The following CFAP69 variants were observed in gnomAD, a reference collection of about 807,000 sequenced individuals.
The protein encoded by CFAP69 is cilia and flagella associated protein 69.
A neutral mutation model predicts 123.0 loss-of-function variants in CFAP69; 92 were observed. The ratio of observed to expected loss-of-function variants is 0.75; its 90% CI spans 0.63 to 0.89. The LOEUF (loss-of-function observed/expected upper bound fraction) is 0.89, where lower values mean the gene tolerates loss of function less well. CFAP69 is among the 40% of genes least tolerant of loss of function. CFAP69 has a pLI of 0.00. For synonymous variants in CFAP69, 380 were observed against 364.3 expected, an observed-to-expected ratio of 1.04 and a Z score of -0.49; for missense variants, 1,067 against 1,096.9, an observed-to-expected ratio of 0.97 and a Z score of 0.39.
intron 11 of CFAP69, among the ~76,000 whole-genome samples, chr7:90,278,048 T>G (rs553802488): frequency 3.9e-5 from 6 of 152,208 alleles, no homozygotes; most frequent in Non-Finnish European, 8.8e-5. Flanking sequence ...TTCTGTTTAG[T>G]TAGTTACTGC....
intron 11 of CFAP69, among the ~76,000 whole-genome samples, chr7:90,278,812 T>C (rs922152219): frequency 6.6e-6 from 1 of 152,142 alleles, no homozygotes; most frequent in African/African-American, 2.4e-5. Context: ...ATTATATACT[T>C]AATTCTAGCA....
intron 1 of CFAP69, among the ~76,000 whole-genome samples, 167 bp downstream of exon 1, chr7:90,245,711 C>G (rs559089025): frequency 9.9e-5 from 15 of 152,100 alleles, no homozygotes; most frequent in African/African-American, 1.7e-4. Context: ...TCCCCCACCC[C>G]CTGCGAACTG....
the CFAP69 span, among the ~76,000 whole-genome samples, chr7:90,316,283 G>A: frequency 6.6e-6 from 1 of 152,146 alleles, no homozygotes; most frequent in East Asian, 1.9e-4. Flanking sequence ...AATGAGCTCA[G>A]CATAAACCCA....
intron 4 of CFAP69, among the ~76,000 whole-genome samples, chr7:90,263,872 C>T (rs959305328): frequency 7.3e-5 from 11 of 151,534 alleles, no homozygotes; most frequent in Admixed American, 1.3e-4. Flanking sequence ...AGGCAGATCA[C>T]GAGGTCAGGA....
downstream of CFAP69, among the ~76,000 whole-genome samples, chr7:90,313,013 G>A (rs1794459112): frequency 6.6e-6 from 1 of 152,186 alleles, no homozygotes; most frequent in African/African-American, 2.4e-5. Context: ...TGAAAAATTA[G>A]TGAATAATTA....
chr7:90,296,315 T>A (rs1791954475), intron 15 of CFAP69, among the ~76,000 whole-genome samples: 1 of 151,966 alleles, frequency 6.6e-6, no homozygotes, highest in Non-Finnish European at 1.5e-5. Context: ...AGGCACGGTT[T>A]TTTGTTGTTA....
intron 1 of CFAP69, 53 bp downstream of exon 1, chr7:90,245,597 C>T (rs1230085409): frequency 2.1e-6 from 3 of 1,416,328 alleles, no homozygotes; most frequent in Admixed American, 2.9e-5. Context: ...AGTGAAGTCT[C>T]GAGACGGGGT....
intron 8 of CFAP69, among the ~76,000 whole-genome samples, chr7:90,273,742 G>T (rs1046216070): frequency 6.6e-6 from 1 of 152,020 alleles, no homozygotes; most frequent in African/African-American, 2.4e-5. Flanking sequence ...TCTGATGAGG[G>T]TGCTCTTCTG....
chr7:90,279,347 A>G (rs1337307080), intron 11 of CFAP69, among the ~76,000 whole-genome samples: 1 of 152,012 alleles, frequency 6.6e-6, no homozygotes, highest in East Asian at 1.9e-4. Context: ...AAAATACGTT[A>G]TACGTTTTAT....
In CFAP69 at chr7:90,268,448, C is replaced by T. The variant is rs1452097780; in HGVS notation, c.532+64C>T. On this transcript the variant is annotated intron_variant, in intron 6 of 22. Transcript: ENST00000389297. ...TGTAGAAAACAGAACATTCTCATATCTCTTTGAATTTGACAGACACAGTGG... is the reference window on the plus strand; with the variant it reads ...TGTAGAAAACAGAACATTCTCATATTTCTTTGAATTTGACAGACACAGTGG... The T allele has an allele frequency of 1.1e-5, 13 of 1,234,564 alleles. No individual in the cohort carries two copies. The East Asian group carries it at 2.9e-4, about 27-fold the overall frequency. 76.5% of individuals were successfully genotyped at this position (1,234,564 alleles called of 1,614,324 possible). A position where few individuals can be genotyped will look rare whatever the true frequency, so the allele number is the denominator to read the frequency against.
At chr7:90,309,426 A>C in intron 22 of CFAP69, 59 bp downstream of exon 22, 1 of 960,208 alleles carries the variant, frequency 1.0e-6, no homozygotes, top group Non-Finnish European at 1.6e-6. Context: ...GTGTTTGAAC[A>C]ACTGTGCAAA....
chr7:90,278,461 A>C (rs1788931783), intron 11 of CFAP69, among the ~76,000 whole-genome samples: 1 of 152,078 alleles, frequency 6.6e-6, no homozygotes, highest in African/African-American at 2.4e-5. Flanking sequence ...TAGAACCTAA[A>C]TGTATTTTCC....
At chr7:90,270,584 A>T (rs1354626104) in intron 6 of CFAP69, among the ~76,000 whole-genome samples, 2 of 152,140 alleles carry the variant, frequency 1.3e-5, no homozygotes, top group African/African-American at 4.8e-5. Context: ...TAGAAAGCTC[A>T]TCACAGCATT....
At chr7:90,281,800 T>TAA (rs1419444723) in intron 12 of CFAP69, among the ~76,000 whole-genome samples, 1 of 152,154 alleles carries the variant, frequency 6.6e-6, no homozygotes, top group Non-Finnish European at 1.5e-5. Context: ...TGACAAAATC[T>TAA]AAGTGAAATA....
At chr7:90,253,120 T>C (rs1242941847) in intron 1 of CFAP69, among the ~76,000 whole-genome samples, 1 of 152,190 alleles carries the variant, frequency 6.6e-6, no homozygotes, top group East Asian at 1.9e-4. Context: ...AAACATTTAT[T>C]TTAAAGTAGA....
At chr7:90,298,311 GAGC>G (rs1377405637) in intron 16 of CFAP69, among the ~76,000 whole-genome samples, 1 of 152,168 alleles carries the variant, frequency 6.6e-6, no homozygotes, top group African/African-American at 2.4e-5. Context: ...TTTGCAGAAT[GAGC>G]AGATGTGAGC....
chr7:90,309,758 T>C (rs1201102721), intron 22 of CFAP69, among the ~76,000 whole-genome samples: 4 of 152,164 alleles, frequency 2.6e-5, no homozygotes, highest in Non-Finnish European at 4.4e-5. Context: ...AGCTTATAAT[T>C]GTCCTTATAT....
the CFAP69 span, among the ~76,000 whole-genome samples, chr7:90,320,035 A>G: frequency 6.6e-6 from 1 of 152,212 alleles, no homozygotes; most frequent in East Asian, 1.9e-4. Flanking sequence ...CAGAAACCCT[A>G]AAGAGCTTAT....
chr7:90,276,616 A>G (rs1029472398), intron 9 of CFAP69, among the ~76,000 whole-genome samples: 3 of 152,194 alleles, frequency 2.0e-5, no homozygotes, highest in Admixed American at 1.3e-4. Context: ...CTACTTTATT[A>G]TCTCTTGACC....
Sources: gnomAD v4.1 joint callset for allele counts (sites outside exome capture counted in the v4.1 genomes callset) on GRCh38, gnomAD v4.1.1 for gene constraint, MANE v1.5 for transcripts, NCBI Gene and HGNC (gene_info 2026-07-23, HGNC 2026-07-21) for gene names.